HCLS1: variants seen among roughly 807,000 people sequenced by gnomAD.
HCLS1 encodes hematopoietic lineage cell-specific protein.
A neutral mutation model predicts 68.6 loss-of-function variants in HCLS1; 44 were observed. That is an observed-to-expected ratio of 0.64 (90% CI 0.50 to 0.82). The LOEUF (loss-of-function observed/expected upper bound fraction) is 0.82. Among genes scored for constraint, HCLS1 ranks in the 40% least tolerant of loss-of-function variants. HCLS1 has a pLI of 0.00. For synonymous variants in HCLS1, 217 were observed against 225.8 expected, an observed-to-expected ratio of 0.96 and a Z score of 0.35; for missense variants, 602 against 612.1, an observed-to-expected ratio of 0.98 and a Z score of 0.17.
At chr3:121,644,461 G>A (rs1308883942) in intron 5 of HCLS1, 4 of 350,636 alleles carry the variant, frequency 1.1e-5, no homozygotes, top group Admixed American at 3.7e-5. Context: ...TTTCCTAAAC[G>A]GCATGAGTAT....
At chr3:121,636,995 A>G in intron 7 of HCLS1, 151 bp downstream of exon 7, 1 of 631,322 alleles carries the variant, frequency 1.6e-6, no homozygotes, top group Admixed American at 2.5e-5. Context: ...CACTACCACC[A>G]CCTGTCCCCA....
chr3:121,653,123 T>A (rs1291879588), intron 3 of HCLS1, among the ~76,000 whole-genome samples: 1 of 152,216 alleles, frequency 6.6e-6, no homozygotes, highest in South Asian at 2.1e-4. Flanking sequence ...TTATGTGTCA[T>A]ATACACTATA....
chr3:121,633,829 C>T (rs1321692899), intron 10 of HCLS1, among the ~76,000 whole-genome samples: 2 of 152,208 alleles, frequency 1.3e-5, no homozygotes, highest in Non-Finnish European at 2.9e-5. Context: ...CATGAGCCAC[C>T]ACACCATGCA....
intron 6 of HCLS1, among the ~76,000 whole-genome samples, chr3:121,640,196 A>G (rs1265168045): frequency 6.6e-6 from 1 of 152,112 alleles, no homozygotes; most frequent in African/African-American, 2.4e-5. Context: ...AGCACAACAT[A>G]CCATAACCAA....
rs148896911 is a variant in HCLS1 at position 121,636,199 on chromosome 3, C to T, written c.621+235G>A. 1.2e-4 allele frequency among the ~76,000 whole-genome samples: 19 copies of T among 152,306 alleles called. No individual in the cohort carries two copies. The South Asian group carries it at 3.1e-3, about 25-fold the overall frequency. ...TCCAGTCCAATACGACCTTTCCCGG[C>T]GGTTTACCTGTCTCTCTGTATGCCT... On this transcript the variant is annotated intron_variant, in intron 8 of 13. Transcript: ENST00000314583.
intron 3 of HCLS1, among the ~76,000 whole-genome samples, chr3:121,652,031 T>A (rs1937762097): frequency 6.6e-6 from 1 of 152,160 alleles, no homozygotes; most frequent in African/African-American, 2.4e-5. Flanking sequence ...CTGTGACATA[T>A]CCATACAATG....
Position 121,640,076 on chromosome 3 carries a change from G to A in HCLS1, c.455-2820C>T, listed in dbSNP as rs143297542. Among the ~76,000 whole-genome samples, 21 of 152,034 alleles carry A rather than the reference G, an allele frequency of 1.4e-4. No individual in the cohort carries two copies. In the East Asian group the frequency reaches 1.5e-3, roughly 11 times the overall value. The stretch of plus-strand genomic sequence containing the variant: ...TAAGTAAGATCAGAAATGAAAATAG[G>A]CATTTCATATCACTAGAAATCTTAC... On this transcript the variant is annotated intron_variant, in intron 6 of 13. Transcript: ENST00000314583.
intron 5 of HCLS1, 166 bp downstream of exon 5, chr3:121,644,652 C>T (rs548920375): frequency 1.1e-5 from 8 of 712,518 alleles, no homozygotes; most frequent in South Asian, 8.7e-5. Context: ...CCAACATTGG[C>T]ACCAAGGAAC....
At position 121,631,599 on chromosome 3, in the gene HCLS1, T is replaced by G. The variant is rs2108854643; in HGVS notation, c.*247A>C. ...AGCAGAGCTTGGGGTGGCAGAGAGG[T>G]GTTCATTGGGAAGGAGTCAGGAACA... On this transcript the variant is annotated 3_prime_UTR_variant, in exon 14 of 14. Transcript: ENST00000314583. 3 of 457,388 alleles carry G rather than the reference T, an allele frequency of 6.6e-6. No homozygotes were observed. The highest frequency in any genetic ancestry group is 3.7e-5 in the East Asian group (1 of 27,020). The allele number at this position is 457,388 out of a possible 1,614,324, so 28.3% of individuals were successfully genotyped here.
At chr3:121,633,640 C>T (rs2049120929) in intron 10 of HCLS1, among the ~76,000 whole-genome samples, 1 of 152,124 alleles carries the variant, frequency 6.6e-6, no homozygotes, top group Non-Finnish European at 1.5e-5. Context: ...TGGGCTCAAA[C>T]AATCCTCCTC....
chr3:121,647,555 T>C, intron 3 of HCLS1, 107 bp from the exon 4 acceptor site: 5 of 1,165,574 alleles, frequency 4.3e-6, no homozygotes, highest in Non-Finnish European at 6.1e-6. Context: ...CTTTCAGTAA[T>C]AACCTGGGCC....
chr3:121,632,605 A>C (rs2049111109), intron 11 of HCLS1, 42 bp from the exon 12 acceptor site: 1 of 1,573,022 alleles, frequency 6.4e-7, no homozygotes, highest in Non-Finnish European at 8.7e-7. Context: ...TCCACTTTCC[A>C]GGAGGAATCA....
chr3:121,652,491 T>C (rs1937772339), intron 3 of HCLS1, among the ~76,000 whole-genome samples: 1 of 151,990 alleles, frequency 6.6e-6, no homozygotes. Context: ...CCGTCTCTAC[T>C]AAAAATACAC....
chr3:121,633,197 G>C (rs931328820), intron 10 of HCLS1, 26 bp from the exon 11 acceptor site: 2 of 1,432,118 alleles, frequency 1.4e-6, no homozygotes, highest in Non-Finnish European at 1.9e-6. Context: ...CATCTCTCAA[G>C]TAAGCAAGCC....
At chr3:121,639,429 C>T (rs985743950) in intron 6 of HCLS1, among the ~76,000 whole-genome samples, 6 of 152,122 alleles carry the variant, frequency 3.9e-5, no homozygotes, top group Non-Finnish European at 8.8e-5. Context: ...GAAAATTTCC[C>T]TGATGCTCAG....
intron 2 of HCLS1, 184 bp downstream of exon 2, chr3:121,658,079 TG>T: frequency 3.5e-6 from 2 of 572,444 alleles, no homozygotes; most frequent in Non-Finnish European, 6.3e-6. Context: ...TTTTCATCCC[TG>T]ATACCAGGTA....
At chr3:121,632,593 C>G in intron 11 of HCLS1, 30 bp from the exon 12 acceptor site, 1 of 1,591,570 alleles carries the variant, frequency 6.3e-7, no homozygotes, top group Admixed American at 1.7e-5. Flanking sequence ...AGCACTGTGA[C>G]TTCCACTTTC....
At chr3:121,658,156 A>G (rs1462791685) in intron 2 of HCLS1, 108 bp downstream of exon 2, 1 of 804,072 alleles carries the variant, frequency 1.2e-6, no homozygotes, top group Non-Finnish European at 2.2e-6. Context: ...GGGCTGTCTC[A>G]GTCCTAGAAG....
intron 4 of HCLS1, among the ~76,000 whole-genome samples, chr3:121,646,325 ATTATAT>A (rs2049247713): frequency 4.8e-5 from 5 of 104,532 alleles, no homozygotes; most frequent in Non-Finnish European, 6.7e-5. Context: ...TATAATATAT[ATTATAT>A]ATTAATTATA....
Sources: gnomAD v4.1 joint callset for allele counts (sites outside exome capture counted in the v4.1 genomes callset) on GRCh38, gnomAD v4.1.1 for gene constraint, MANE v1.5 for transcripts, NCBI Gene and HGNC (gene_info 2026-07-23, HGNC 2026-07-21) for gene names.